The following ERC2 variants were observed in gnomAD, a reference collection of about 807,000 sequenced individuals.
The protein encoded by ERC2 is ELKS/RAB6-interacting/CAST family member 2, also known as ERC protein 2.
A neutral mutation model predicts 114.8 loss-of-function variants in ERC2; 42 were observed. The ratio of observed to expected loss-of-function variants is 0.37; its 90% CI spans 0.29 to 0.47. The LOEUF is 0.47. Ranked by LOEUF, ERC2 falls within the 20% of genes least tolerant of loss-of-function variation. The probability of loss-of-function intolerance (pLI) is 0.99; values close to 1 mark genes in which losing one functional copy is unlikely to be tolerated. For missense variants in ERC2, 939 were observed against 1,150.7 expected, an observed-to-expected ratio of 0.82 and a Z score of 2.66; for synonymous variants, 454 against 425.5, an observed-to-expected ratio of 1.07 and a Z score of -0.82.
intron 3 of ERC2, among the ~76,000 whole-genome samples, chr3:56,256,216 T>C (rs921069752): frequency 6.6e-6 from 1 of 152,210 alleles, no homozygotes; most frequent in African/African-American, 2.4e-5. Flanking sequence ...CAGAGACAAC[T>C]AGGAACAACC....
intron 13 of ERC2, among the ~76,000 whole-genome samples, chr3:55,919,491 T>G (rs2065290694): frequency 6.6e-6 from 1 of 152,094 alleles, no homozygotes; most frequent in East Asian, 1.9e-4. Flanking sequence ...ATTAAGAAAT[T>G]AACATGAATT....
chr3:56,085,613 G>T (rs1000295712), intron 6 of ERC2, among the ~76,000 whole-genome samples: 1 of 152,090 alleles, frequency 6.6e-6, no homozygotes, highest in Non-Finnish European at 1.5e-5. Context: ...GCCCATTTTT[G>T]TTTAAAGTTA....
intron 17 of ERC2, among the ~76,000 whole-genome samples, chr3:55,675,427 C>T (rs1407764498): frequency 6.6e-6 from 1 of 152,178 alleles, no homozygotes; most frequent in Non-Finnish European, 1.5e-5. Flanking sequence ...CTTGGTAAGG[C>T]TAATGACCTC....
intron 17 of ERC2, among the ~76,000 whole-genome samples, chr3:55,528,023 G>A (rs1421638263): frequency 1.3e-5 from 2 of 152,124 alleles, no homozygotes; most frequent in Non-Finnish European, 2.9e-5. Flanking sequence ...AGGCTTCCTT[G>A]GAGGATCAGG....
Position 56,310,563 on chromosome 3 carries a change from C to G in ERC2, c.658-14128G>C, listed in dbSNP as rs2150391993. 2.6e-5 allele frequency among the ~76,000 whole-genome samples: 4 copies of G among 152,284 alleles called. No individual in the cohort carries two copies. In the South Asian group the frequency reaches 8.3e-4, roughly 32 times the overall value. Reference sequence around the variant, plus strand: ...AGGCATTGAACTATATTAACTTTCCCCTACTCTGAGCTGCCTGGGTTCATC... The same window carrying G: ...AGGCATTGAACTATATTAACTTTCCGCTACTCTGAGCTGCCTGGGTTCATC... On this transcript the variant is annotated intron_variant, in intron 2 of 17. Coordinates refer to ENST00000288221, the MANE Select transcript of ERC2 (RefSeq NM_015576.3).
At chr3:56,248,720 A>AT (rs1221732340) in intron 3 of ERC2, among the ~76,000 whole-genome samples, 2 of 152,186 alleles carry the variant, frequency 1.3e-5, no homozygotes, top group Non-Finnish European at 2.9e-5. Context: ...GCAGTGCTGA[A>AT]TTTTTTACAG....
At chr3:56,081,933 C>A (rs1206221342) in intron 6 of ERC2, among the ~76,000 whole-genome samples, 2 of 152,152 alleles carry the variant, frequency 1.3e-5, no homozygotes, top group Non-Finnish European at 2.9e-5. Context: ...TCTTAAAATG[C>A]AACTGTGACA....
intron 17 of ERC2, among the ~76,000 whole-genome samples, chr3:55,519,984 G>A (rs1470624741): frequency 1.3e-5 from 2 of 151,712 alleles, no homozygotes; most frequent in African/African-American, 2.4e-5. Context: ...GAGCCCAGGA[G>A]GTCAAGGCTG....
At chr3:56,009,402 C>T (rs1454679331) in intron 9 of ERC2, among the ~76,000 whole-genome samples, 1 of 152,154 alleles carries the variant, frequency 6.6e-6, no homozygotes, top group Non-Finnish European at 1.5e-5. Flanking sequence ...TACGGATTTT[C>T]TTTCTGATTT....
chr3:55,858,513 C>G (rs773540079), intron 14 of ERC2, among the ~76,000 whole-genome samples: 1 of 152,214 alleles, frequency 6.6e-6, no homozygotes, highest in African/African-American at 2.4e-5. Flanking sequence ...ATCACAAAAG[C>G]ACACTGCTGC....
At chr3:56,083,714 A>T (rs2149765488) in intron 6 of ERC2, among the ~76,000 whole-genome samples, 1 of 152,224 alleles carries the variant, frequency 6.6e-6, no homozygotes, top group African/African-American at 2.4e-5. Context: ...TGGGGGTTGG[A>T]TAAGGTTCCC....
At chr3:56,238,162 A>G (rs909218240) in intron 3 of ERC2, among the ~76,000 whole-genome samples, 2 of 152,186 alleles carry the variant, frequency 1.3e-5, no homozygotes, top group Non-Finnish European at 2.9e-5. Context: ...TCTTAATTTA[A>G]TAACTGACTA....
At chr3:55,659,261 A>C (rs1318790742) in intron 17 of ERC2, 1 of 152,168 alleles carries the variant, frequency 6.6e-6, no homozygotes, top group Non-Finnish European at 1.5e-5. Context: ...AGTCCTCAGG[A>C]CATTCACAAA....
intron 2 of ERC2, among the ~76,000 whole-genome samples, chr3:56,414,515 G>A (rs1056105829): frequency 6.6e-6 from 1 of 152,074 alleles, no homozygotes; most frequent in Non-Finnish European, 1.5e-5. Flanking sequence ...GAGGTCAGGA[G>A]ATCGAGACCA....
At chr3:56,137,641 C>A (rs1300762290) in intron 6 of ERC2, among the ~76,000 whole-genome samples, 2 of 152,214 alleles carry the variant, frequency 1.3e-5, no homozygotes, top group Non-Finnish European at 2.9e-5. Flanking sequence ...TGGCTGTGTT[C>A]CAATAATACT....
intron 2 of ERC2, among the ~76,000 whole-genome samples, chr3:56,388,434 C>T (rs73075858): frequency 0.016 from 2,372 of 152,278 alleles, 20 homozygotes; most frequent in African/African-American, 0.021. Context: ...CTTCCTGAGG[C>T]CCTCACCAGA....
chr3:55,794,574 A>G (rs987859171), intron 14 of ERC2, among the ~76,000 whole-genome samples: 1 of 152,244 alleles, frequency 6.6e-6, no homozygotes, highest in African/African-American at 2.4e-5. Flanking sequence ...CAAGAGATGT[A>G]TGTCAAAATA....
intron 13 of ERC2, among the ~76,000 whole-genome samples, chr3:55,913,162 T>C (rs2064907864): frequency 6.6e-6 from 1 of 152,148 alleles, no homozygotes; most frequent in African/African-American, 2.4e-5. Flanking sequence ...TTTTTCTTTT[T>C]TTAGAGACAG....
chr3:55,594,721 C>T (rs1467231152), intron 17 of ERC2, among the ~76,000 whole-genome samples: 3 of 152,218 alleles, frequency 2.0e-5, no homozygotes, highest in South Asian at 2.1e-4. Context: ...TTACCTCAGG[C>T]GTTCCACTGA....
Sources: allele counts gnomAD v4.1 joint callset (sites outside exome capture counted in the v4.1 genomes callset), GRCh38; gene constraint gnomAD v4.1.1; transcripts MANE v1.5; gene names NCBI Gene and HGNC (gene_info 2026-07-23, HGNC 2026-07-21).